The following B3GALT1 variants were observed in gnomAD, a reference collection of about 807,000 sequenced individuals.
B3GALT1 encodes the protein beta-1,3-galactosyltransferase 1, also known as UDP-Gal:betaGlcNAc beta 1,3-galactosyltransferase, polypeptide 1.
In B3GALT1, 10 loss-of-function variants were observed where a neutral mutation model predicts 23.2. That is an observed-to-expected ratio of 0.43 (90% CI 0.27 to 0.73). B3GALT1 has a LOEUF of 0.73. Ranked by LOEUF, B3GALT1 falls within the 30% of genes least tolerant of loss-of-function variation. B3GALT1 has a pLI of 0.21. For synonymous variants in B3GALT1, 156 were observed against 141.5 expected (o/e 1.10, Z -0.73); for missense variants, 299 against 405.4 (o/e 0.74, Z 2.25).
At chr2:167,709,674 A>G (rs1370817062) in intron 3 of B3GALT1, among the ~76,000 whole-genome samples, 1 of 152,142 alleles carries the variant, frequency 6.6e-6, no homozygotes, top group Non-Finnish European at 1.5e-5. Context: ...GGGTTCACAC[A>G]TTGTGTTGTG....
At chr2:167,782,189 G>T (rs1038491499) in intron 3 of B3GALT1, among the ~76,000 whole-genome samples, 2 of 152,068 alleles carry the variant, frequency 1.3e-5, no homozygotes, top group East Asian at 1.9e-4. Flanking sequence ...GTACACTAAC[G>T]GAGATTCCAT....
chr2:167,558,381 C>T (rs1443421756), intron 2 of B3GALT1: 1 of 152,960 alleles, frequency 6.5e-6, no homozygotes, highest in African/African-American at 2.4e-5. Context: ...ATGAGCGACG[C>T]AGAAGATGGG....
At position 167,671,563 on chromosome 2, in the gene B3GALT1, C is replaced by T. The variant is rs553598927; in HGVS notation, c.-352+24597C>T. On this transcript the variant is annotated intron_variant, in intron 3 of 4. Transcript: ENST00000392690. The stretch of plus-strand genomic sequence containing the variant: ...AACAACACACACCTAAACAATATGT[C>T]AAAGAAGAAGTCAAAAATGACATTT... Among the ~76,000 whole-genome samples, 110 of 152,060 alleles carry T rather than the reference C, an allele frequency of 7.2e-4. 1 individual carries two copies. Among genetic ancestry groups the T allele is most frequent in the Non-Finnish European group, 1.3e-3 (89 of 67,950 alleles).
rs114283668 is a variant in B3GALT1, at chr2:167,869,817, C to T, written c.778C>T (p.Leu260=). 177 of 1,614,104 alleles carry T rather than the reference C, an allele frequency of 1.1e-4. No individual in the cohort carries two copies. In the African/African-American group the frequency reaches 2.1e-3, roughly 19 times the overall value. Residue 260 remains leucine, a synonymous_variant, in exon 5 of 5, where the codon CTG becomes TTG. Coordinates refer to ENST00000392690, the MANE Select transcript of B3GALT1 (RefSeq NM_020981.4). The surrounding 1 kb of genome is among the most constrained non-coding windows in gnomAD (Gnocchi z 6.4). ...LIYKTSLHTR[L]LHLEDVYVGL... Reference sequence around the variant, plus strand: ...TTACAAGACCTCACTCCACACAAGGCTGCTTCACCTTGAAGACGTATATGT... The same window carrying T: ...TTACAAGACCTCACTCCACACAAGGTTGCTTCACCTTGAAGACGTATATGT...
intron 3 of B3GALT1, among the ~76,000 whole-genome samples, chr2:167,769,930 T>C (rs1016251751): frequency 1.3e-5 from 2 of 152,236 alleles, no homozygotes; most frequent in Admixed American, 1.3e-4. Context: ...GTATGGGTCA[T>C]ATAGTAAGTG....
chr2:167,632,011 T>C (rs1295707360), intron 2 of B3GALT1, among the ~76,000 whole-genome samples: 1 of 151,870 alleles, frequency 6.6e-6, no homozygotes, highest in Non-Finnish European at 1.5e-5. Context: ...GTTCTCATTG[T>C]TCAACTCCCA....
rs1363432344 is a variant in B3GALT1 at position 167,873,434 on chromosome 2, A to ATAAAC, written c.*3417_*3421dup. ...CTTTGCGTGACACGATATGGGGAAA[A>ATAAAC]TAAACTATTTACAGAGGAGCCAAGG... On this transcript the variant is annotated 3_prime_UTR_variant, in exon 5 of 5. Transcript: ENST00000392690. The ATAAAC allele has an allele frequency of 1.3e-5, 2 of 152,224 alleles. No individual in the cohort carries two copies. Among genetic ancestry groups the ATAAAC allele is most frequent in the East Asian group, 3.8e-4 (2 of 5,200 alleles). 9.4% of individuals were successfully genotyped at this position (152,224 alleles called of 1,614,324 possible). A position where few individuals can be genotyped will look rare whatever the true frequency, so the allele number is the denominator to read the frequency against.
chr2:167,645,109 A>G (rs1685724446), intron 2 of B3GALT1, among the ~76,000 whole-genome samples: 1 of 152,162 alleles, frequency 6.6e-6, no homozygotes, highest in Non-Finnish European at 1.5e-5. Flanking sequence ...TTATCTTCAA[A>G]GCAAAACTCA....
At chr2:167,690,114 T>G (rs1006125603) in intron 3 of B3GALT1, among the ~76,000 whole-genome samples, 2 of 152,084 alleles carry the variant, frequency 1.3e-5, no homozygotes, top group Admixed American at 6.6e-5. Context: ...GTCCAAACCA[T>G]TAACTGTGAT....
intron 1 of B3GALT1, among the ~76,000 whole-genome samples, chr2:167,415,869 A>G (rs1407145692): frequency 6.6e-6 from 1 of 152,186 alleles, no homozygotes; most frequent in African/African-American, 2.4e-5. Context: ...GCAATGAATT[A>G]GGATATCTGA....
intron 1 of B3GALT1, among the ~76,000 whole-genome samples, chr2:167,485,712 A>G (rs977551989): frequency 1.3e-5 from 2 of 152,166 alleles, no homozygotes; most frequent in African/African-American, 4.8e-5. Context: ...AATCTAAACT[A>G]TGCATATGCA....
intron 1 of B3GALT1, among the ~76,000 whole-genome samples, chr2:167,302,814 A>G (rs1195020677): frequency 6.6e-6 from 1 of 152,194 alleles, no homozygotes; most frequent in African/African-American, 2.4e-5. Context: ...TAATAAAGCT[A>G]AAAATCATGC....
intron 1 of B3GALT1, among the ~76,000 whole-genome samples, chr2:167,446,255 C>G (rs1407384109): frequency 6.6e-6 from 1 of 152,296 alleles, no homozygotes; most frequent in East Asian, 1.9e-4. Flanking sequence ...TTGGGCTTCC[C>G]TTTGTGGGTA....
At chr2:167,414,481 C>G (rs905183749) in intron 1 of B3GALT1, among the ~76,000 whole-genome samples, 1 of 152,030 alleles carries the variant, frequency 6.6e-6, no homozygotes, top group South Asian at 2.1e-4. Flanking sequence ...TGCTAAAGTA[C>G]CACATAATTA....
At chr2:167,465,409 GA>G (rs1316648599) in intron 1 of B3GALT1, among the ~76,000 whole-genome samples, 1 of 152,080 alleles carries the variant, frequency 6.6e-6, no homozygotes, top group Non-Finnish European at 1.5e-5. Context: ...CACGGTTCTG[GA>G]GGCCGGAAAT....
intron 4 of B3GALT1, among the ~76,000 whole-genome samples, chr2:167,850,541 T>C (rs1689859331): frequency 6.6e-6 from 1 of 152,198 alleles, no homozygotes. Flanking sequence ...ATTCTACTAC[T>C]GGATATCTAC....
chr2:167,394,385 T>C (rs1230878658), intron 1 of B3GALT1, among the ~76,000 whole-genome samples: 1 of 152,186 alleles, frequency 6.6e-6, no homozygotes, highest in African/African-American at 2.4e-5. Context: ...GAAACAAAAC[T>C]GTCCTAACCA....
chr2:167,683,719 A>AAAAATT (rs780249325), intron 3 of B3GALT1, among the ~76,000 whole-genome samples: 1 of 152,036 alleles, frequency 6.6e-6, no homozygotes, highest in Admixed American at 6.6e-5. Context: ...AGTCTGTCTC[A>AAAAATT]AAAATTAAAA....
chr2:167,321,123 G>A (rs757458256), intron 1 of B3GALT1, among the ~76,000 whole-genome samples: 18 of 151,872 alleles, frequency 1.2e-4, no homozygotes, highest in Non-Finnish European at 2.5e-4. Flanking sequence ...TTTAATATGG[G>A]CTTTTCTGTG....
Sources: allele counts gnomAD v4.1 joint callset (sites outside exome capture counted in the v4.1 genomes callset), GRCh38; gene constraint gnomAD v4.1.1; non-coding constraint Gnocchi (gnomAD v3.1); transcripts MANE v1.5; gene names NCBI Gene and HGNC (gene_info 2026-07-23, HGNC 2026-07-21).